The following CARMIL1 variants were observed in gnomAD, a reference collection of about 807,000 sequenced individuals.
CARMIL1 encodes the protein capping protein regulator and myosin 1 linker 1, also known as F-actin-uncapping protein LRRC16A.
In CARMIL1, 90 loss-of-function variants were observed where a neutral mutation model predicts 177.1. That is an observed-to-expected ratio of 0.51 (90% CI 0.43 to 0.61). CARMIL1 has a LOEUF of 0.61. CARMIL1 is among the 20% of genes least tolerant of loss of function. The pLI is 0.00. For synonymous variants in CARMIL1, 577 were observed against 606.2 expected, an observed-to-expected ratio of 0.95 and a Z score of 0.71; for missense variants, 1,380 against 1,667.0, an observed-to-expected ratio of 0.83 and a Z score of 3.00.
intron 2 of CARMIL1, among the ~76,000 whole-genome samples, chr6:25,285,908 G>C (rs1332449445): frequency 1.3e-5 from 2 of 152,024 alleles, no homozygotes; most frequent in African/African-American, 2.4e-5. Context: ...ATTTCAGTCT[G>C]TTGCCCAGGC....
intron 17 of CARMIL1, among the ~76,000 whole-genome samples, chr6:25,501,171 C>A (rs886796784): frequency 3.3e-4 from 51 of 152,242 alleles, no homozygotes; most frequent in African/African-American, 1.1e-3. Context: ...CTGTTCAGAG[C>A]CTGACTTAAC....
chr6:25,303,122 C>G (rs539328882), intron 2 of CARMIL1, among the ~76,000 whole-genome samples: 19 of 143,792 alleles, frequency 1.3e-4, no homozygotes, highest in Non-Finnish European at 2.4e-4. Flanking sequence ...TTATAGGCAT[C>G]TCCTTTTTTT....
At chr6:25,315,245 A>G (rs150768551) in intron 2 of CARMIL1, among the ~76,000 whole-genome samples, 1 of 152,326 alleles carries the variant, frequency 6.6e-6, no homozygotes, top group East Asian at 1.9e-4. Flanking sequence ...ATCCTAGTCT[A>G]TCCTGTTTAA....
intron 1 of CARMIL1, among the ~76,000 whole-genome samples, chr6:25,284,045 A>G (rs1313769564): frequency 1.3e-5 from 2 of 152,080 alleles, no homozygotes; most frequent in Non-Finnish European, 2.9e-5. Flanking sequence ...GTTTTGCCGT[A>G]TTCCCCAAAC....
At chr6:25,423,590 G>A (rs1017272563) in intron 3 of CARMIL1, among the ~76,000 whole-genome samples, 10 of 152,206 alleles carry the variant, frequency 6.6e-5, no homozygotes, top group Admixed American at 5.2e-4. Context: ...CAGGGCCAAG[G>A]CCTGGCTGAG....
chr6:25,459,266 C>CTTTCTTTCTTTCTTTCTTTCTTTCTT, intron 8 of CARMIL1, among the ~76,000 whole-genome samples: 48 of 73,716 alleles, frequency 6.5e-4, no homozygotes, highest in African/African-American at 2.1e-3. Context: ...TTCTTTCTTT[C>CTTTCTTTCTTTCTTTCTTTCTTTCTT]TTTTTTTTTT....
intron 29 of CARMIL1, among the ~76,000 whole-genome samples, chr6:25,575,813 G>C (rs1191516809): frequency 1.3e-5 from 2 of 152,142 alleles, no homozygotes; most frequent in Non-Finnish European, 2.9e-5. Flanking sequence ...GCCAATGATG[G>C]TGATGGTTAT....
intron 2 of CARMIL1, among the ~76,000 whole-genome samples, chr6:25,364,762 G>A (rs544993511): frequency 4.0e-4 from 61 of 151,892 alleles, no homozygotes; most frequent in Non-Finnish European, 8.5e-4. Flanking sequence ...ATGGGGTTTC[G>A]CCATGTTGGC....
At chr6:25,450,855 CTCCCT>C (rs1198271363) in intron 8 of CARMIL1, 144 bp downstream of exon 8, 55 of 533,714 alleles carry the variant, frequency 1.0e-4, no homozygotes, top group East Asian at 1.0e-3. Flanking sequence ...CTTCCCTCCC[CTCCCT>C]TCCCTTCCCT....
chr6:25,556,860 A>G lies in CARMIL1; in HGVS notation c.2742+10A>G. 6.2e-7 allele frequency: 1 copy of G among 1,611,476 alleles called. No homozygotes were observed. Among genetic ancestry groups the G allele is most frequent in the Non-Finnish European group, 8.5e-7 (1 of 1,178,708 alleles). ...TCTGGATACCTGTATGGTAAGACACATCCTCTGGTGGTACCGTTACCCTTT... is the reference window on the plus strand; with the variant it reads ...TCTGGATACCTGTATGGTAAGACACGTCCTCTGGTGGTACCGTTACCCTTT... On this transcript the variant is annotated intron_variant, in intron 29 of 36. Transcript: ENST00000329474.
intron 2 of CARMIL1, among the ~76,000 whole-genome samples, chr6:25,385,474 G>A (rs1476755264): frequency 6.6e-6 from 1 of 152,178 alleles, no homozygotes; most frequent in Non-Finnish European, 1.5e-5. Flanking sequence ...GGGGCCTAAT[G>A]ATTCGTTCAT....
intron 5 of CARMIL1, among the ~76,000 whole-genome samples, chr6:25,437,783 A>G (rs1186693197): frequency 2.0e-5 from 3 of 152,210 alleles, no homozygotes; most frequent in Non-Finnish European, 4.4e-5. Context: ...TTACTGTCAT[A>G]TTCAATTGGT....
chr6:25,433,649 G>T (rs1251448028), intron 4 of CARMIL1, among the ~76,000 whole-genome samples: 2 of 152,084 alleles, frequency 1.3e-5, no homozygotes, highest in African/African-American at 2.4e-5. Flanking sequence ...AATTTTAAAG[G>T]CTTTGCCTTT....
intron 2 of CARMIL1, among the ~76,000 whole-genome samples, chr6:25,358,568 A>G (rs868843266): frequency 1.3e-5 from 2 of 152,204 alleles, no homozygotes; most frequent in Non-Finnish European, 2.9e-5. Context: ...AAACATTGCA[A>G]TACTTACAAA....
chr6:25,435,569 C>T lies in CARMIL1; in HGVS notation c.336C>T (p.Thr112=). ...DVSEVLAHIG[T]CLRKIFPGLS... is the part of the protein sequence containing the mutation. The stretch of plus-strand genomic sequence containing the variant: ...GTGAGGTGCTGGCTCACATAGGCAC[C>T]TGCCTGAGGAAGATATTTCCTGGCC... The change falls in exon 5 of 37, where the codon ACC becomes ACT. Residue 112 remains threonine (T), a synonymous_variant. Coordinates refer to ENST00000329474, the MANE Select transcript of CARMIL1 (RefSeq NM_017640.6). 2 of 1,568,210 alleles carry T rather than the reference C, an allele frequency of 1.3e-6. No homozygotes were observed. The highest frequency in any genetic ancestry group is 1.7e-6 in the Non-Finnish European group (2 of 1,155,418).
intron 2 of CARMIL1, chr6:25,388,363 C>CT (rs367792530): frequency 0.14 from 21,495 of 151,368 alleles, 1,717 homozygotes; most frequent in East Asian, 0.32. Context: ...GATTTCTCTA[C>CT]TTTTTTTGTT....
chr6:25,546,150 T>A (rs184901520), intron 26 of CARMIL1, among the ~76,000 whole-genome samples: 7 of 152,234 alleles, frequency 4.6e-5, no homozygotes, highest in African/African-American at 1.4e-4. Context: ...ACTTTTTTTT[T>A]AAATAGGGGA....
At chr6:25,471,099 A>G in intron 9 of CARMIL1, 70 bp from the exon 10 acceptor site, 1 of 1,016,418 alleles carries the variant, frequency 9.8e-7, no homozygotes. Context: ...TTTGCATTGC[A>G]TAGATTTATA....
chr6:25,443,885 C>T (rs1377970658), intron 5 of CARMIL1, among the ~76,000 whole-genome samples: 1 of 151,936 alleles, frequency 6.6e-6, no homozygotes, highest in African/African-American at 2.4e-5. Context: ...CTCACTGCAA[C>T]CTCTGCCTCC....
Sources: allele counts gnomAD v4.1 joint callset (sites outside exome capture counted in the v4.1 genomes callset), GRCh38; gene constraint gnomAD v4.1.1; transcripts MANE v1.5; gene names NCBI Gene and HGNC (gene_info 2026-07-23, HGNC 2026-07-21).